Variants in SHTN1 observed in about 807,000 individuals in gnomAD.
SHTN1 encodes the protein shootin 1, also known as shootin-1.
SHTN1 carries 42 observed loss-of-function variants against 83.1 expected under a neutral mutation model. That is an observed-to-expected ratio of 0.51 (90% CI 0.39 to 0.65). The LOEUF (loss-of-function observed/expected upper bound fraction) is 0.65. Among genes scored for constraint, SHTN1 ranks in the 30% least tolerant of loss-of-function variants. SHTN1 has a pLI of 0.00. For missense variants in SHTN1, 622 were observed against 737.8 expected (o/e 0.84, Z 1.82); for synonymous variants, 224 against 247.7 (o/e 0.90, Z 0.90).
intron 8 of SHTN1, among the ~76,000 whole-genome samples, chr10:116,941,000 T>C (rs777790346): frequency 1.3e-5 from 2 of 152,268 alleles, no homozygotes; most frequent in South Asian, 2.1e-4. Context: ...CTACTATGAA[T>C]AGGTAACATT....
chr10:117,114,332 G>A (rs1853812865), intron 1 of SHTN1, among the ~76,000 whole-genome samples: 1 of 152,178 alleles, frequency 6.6e-6, no homozygotes, highest in Non-Finnish European at 1.5e-5. Context: ...GCTAGCTTAT[G>A]GGTATAATAA....
At chr10:116,942,100 A>T (rs1849394565) in intron 8 of SHTN1, among the ~76,000 whole-genome samples, 1 of 152,232 alleles carries the variant, frequency 6.6e-6, no homozygotes, top group Non-Finnish European at 1.5e-5. Context: ...GAAGGGTGAG[A>T]TGCAGCTTCA....
At chr10:117,088,273 A>T (rs547282734) in intron 1 of SHTN1, among the ~76,000 whole-genome samples, 1 of 152,346 alleles carries the variant, frequency 6.6e-6, no homozygotes, top group African/African-American at 2.4e-5. Context: ...CAGCTACCTC[A>T]GTTCACTACA....
chr10:117,097,083 G>T (rs1281606464), intron 1 of SHTN1, among the ~76,000 whole-genome samples: 1 of 151,574 alleles, frequency 6.6e-6, no homozygotes, highest in East Asian at 1.9e-4. Context: ...GGAAGCCCTA[G>T]AGTAGGGGCA....
intron 1 of SHTN1, among the ~76,000 whole-genome samples, chr10:116,990,287 CTTTTTT>C (rs11399364): frequency 5.0e-5 from 6 of 119,892 alleles, no homozygotes; most frequent in Middle Eastern, 5.7e-3. Context: ...TTTTTTCTTT[CTTTTTT>C]TTTTTTTTTT....
At chr10:116,997,207 C>T (rs1851656230) in intron 1 of SHTN1, among the ~76,000 whole-genome samples, 1 of 152,222 alleles carries the variant, frequency 6.6e-6, no homozygotes, top group Non-Finnish European at 1.5e-5. Flanking sequence ...TCCCCATAAA[C>T]TCACCTTCCC....
In SHTN1 at chr10:116,953,300, G is replaced by A. The variant is rs375521941; in HGVS notation, c.436+742C>T. Among the ~76,000 whole-genome samples the A allele has an allele frequency of 2.1e-4, 32 of 152,116 alleles. No individual in the cohort carries two copies. The East Asian group carries it at 3.9e-3, about 18-fold the overall frequency. On this transcript the variant is annotated intron_variant, in intron 5 of 16. Transcript: ENST00000355371. ...CACTACTTGTTAACCAACAAAAAGG[G>A]GTGTCGCTAAATATATTTTTATTCA... is the stretch of plus-strand genomic sequence containing the variant.
chr10:117,060,918 T>G (rs1852890228), intron 1 of SHTN1, among the ~76,000 whole-genome samples: 1 of 152,184 alleles, frequency 6.6e-6, no homozygotes. Context: ...AAACAGTATA[T>G]ATCTGCCTAG....
chr10:116,954,005 T>C, intron 5 of SHTN1, 37 bp downstream of exon 5: 1 of 1,550,602 alleles, frequency 6.4e-7, no homozygotes. Context: ...CATAACGGGG[T>C]AAAAAATATG....
Position 117,079,184 on chromosome 10 carries a change from C to CTG in SHTN1, c.-188-30675_-188-30674insCA, listed in dbSNP as rs1564951952. On this transcript the variant is annotated intron_variant, in intron 1 of 17. Coordinates refer to the SHTN1 transcript ENST00000392901. ...ATATCTCCCAATGCTATCCCTCCCC[C>CTG]CCTCCCCCGACCCCACAACAGTCCC... 2.2e-5 allele frequency among the ~76,000 whole-genome samples: 3 copies of CTG among 138,740 alleles called. No homozygotes were observed. In the East Asian group the frequency reaches 6.9e-4, roughly 32 times the overall value. The allele number at this position is 138,740 out of a possible 152,430, so 91.0% of individuals were successfully genotyped here.
intron 1 of SHTN1, among the ~76,000 whole-genome samples, chr10:117,058,000 T>G (rs922414272): frequency 2.0e-5 from 3 of 152,160 alleles, no homozygotes; most frequent in Non-Finnish European, 4.4e-5. Flanking sequence ...AGTTGAACCC[T>G]TACCTAACAC....
At chr10:117,102,648 C>G (rs1324538932) in intron 1 of SHTN1, among the ~76,000 whole-genome samples, 2 of 151,676 alleles carry the variant, frequency 1.3e-5, no homozygotes, top group Non-Finnish European at 2.9e-5. Flanking sequence ...CCTTTTTGAA[C>G]GGAAGAATTC....
intron 4 of SHTN1, among the ~76,000 whole-genome samples, chr10:116,955,527 C>T (rs1286715534): frequency 2.6e-5 from 4 of 152,152 alleles, no homozygotes; most frequent in Non-Finnish European, 5.9e-5. Context: ...TACCTTTCCT[C>T]ACTGTAAACC....
upstream of SHTN1, among the ~76,000 whole-genome samples, chr10:117,006,622 C>A (rs1852017742): frequency 6.6e-6 from 1 of 151,034 alleles, no homozygotes; most frequent in Non-Finnish European, 1.5e-5. Context: ...TGGTTGCTGA[C>A]TATAAGCTGA....
At chr10:117,011,141 C>T (rs1852097429) in intron 2 of SHTN1, among the ~76,000 whole-genome samples, 1 of 152,222 alleles carries the variant, frequency 6.6e-6, no homozygotes, top group Admixed American at 6.5e-5. Flanking sequence ...TCACATATGA[C>T]ATATAGCTAT....
In SHTN1 at chr10:116,881,761, T is replaced by C. The variant is rs1449774488; in HGVS notation, c.*4583A>G. ...CGCCGTGTCTCCACATGGAGTTTCCTCTTCAACTTCACCAACTCTTGTGGT... is the reference window on the plus strand; with the variant it reads ...CGCCGTGTCTCCACATGGAGTTTCCCCTTCAACTTCACCAACTCTTGTGGT... On this transcript the variant is annotated 3_prime_UTR_variant, in exon 17 of 17. Transcript: ENST00000355371. 2 of 953,372 alleles carry C rather than the reference T, an allele frequency of 2.1e-6. No homozygotes were observed. The highest frequency in any genetic ancestry group is 3.9e-5 in the South Asian group (1 of 25,814). 59.1% of individuals were successfully genotyped at this position (953,372 alleles called of 1,614,324 possible).
chr10:117,074,943 T>C (rs1342289731), intron 1 of SHTN1, among the ~76,000 whole-genome samples: 1 of 152,116 alleles, frequency 6.6e-6, no homozygotes, highest in African/African-American at 2.4e-5. Context: ...TTCAGGAGTT[T>C]CAGTTCCTCA....
At chr10:117,047,127 C>T (rs1376978231) in intron 2 of SHTN1, among the ~76,000 whole-genome samples, 1 of 152,102 alleles carries the variant, frequency 6.6e-6, no homozygotes, top group East Asian at 1.9e-4. Context: ...TGCAGTGGCA[C>T]GATCTCAGCA....
intron 1 of SHTN1, among the ~76,000 whole-genome samples, chr10:117,065,942 G>A (rs890084842): frequency 2.0e-5 from 3 of 149,880 alleles, no homozygotes; most frequent in Admixed American, 2.0e-4. Context: ...GGTGACTCAT[G>A]CCTGTGGTCC....
Sources: gnomAD v4.1 joint callset for allele counts (sites outside exome capture counted in the v4.1 genomes callset) on GRCh38, gnomAD v4.1.1 for gene constraint, MANE v1.5 for transcripts, NCBI Gene and HGNC (gene_info 2026-07-23, HGNC 2026-07-21) for gene names.